The following TBC1D22A variants were observed in gnomAD, a reference collection of about 807,000 sequenced individuals.
TBC1D22A encodes TBC1 domain family member 22A, also known as putative GTPase activator.
TBC1D22A carries 38 observed loss-of-function variants against 60.2 expected under a neutral mutation model. That is an observed-to-expected ratio of 0.63 (90% CI 0.49 to 0.83). TBC1D22A has a LOEUF of 0.83. Ranked by LOEUF, TBC1D22A falls within the 40% of genes least tolerant of loss-of-function variation. TBC1D22A has a pLI of 0.00. For synonymous variants in TBC1D22A, 302 were observed against 281.7 expected (o/e 1.07, Z -0.72); for missense variants, 628 against 701.0 (o/e 0.90, Z 1.18).
At chr22:46,941,581 G>GCGGAATATATATACGGAATATATATACGT (rs1257235613) in intron 8 of TBC1D22A, among the ~76,000 whole-genome samples, 1 of 114,708 alleles carries the variant, frequency 8.7e-6, no homozygotes, top group African/African-American at 3.5e-5. Context: ...TATATATACA[G>GCGGAATATATATACGGAATATATATACGT]GGAATATATA....
At position 47,051,952 on chromosome 22, in the gene TBC1D22A, C is replaced by G. The variant is rs149669682; in HGVS notation, c.1329+14754C>G. Among the ~76,000 whole-genome samples the G allele has an allele frequency of 4.8e-3, 729 of 152,350 alleles. 4 individuals carry two copies. The highest frequency in any genetic ancestry group is 0.017 in the African/African-American group (708 of 41,584). On this transcript the variant is annotated intron_variant, in intron 11 of 12. Transcript: ENST00000337137. ...CAGAAGCAGAGTGCATTGCCACTAG[C>G]ACATCTCACAGTGTTTGCTTTCTCG...
At chr22:47,098,636 T>C (rs1276476025) in intron 11 of TBC1D22A, among the ~76,000 whole-genome samples, 1 of 152,162 alleles carries the variant, frequency 6.6e-6, no homozygotes, top group African/African-American at 2.4e-5. Context: ...CAGGCTGCCC[T>C]GGGGAAGGGC....
chr22:47,119,539 C>G (rs901731265), intron 12 of TBC1D22A, among the ~76,000 whole-genome samples: 1 of 151,890 alleles, frequency 6.6e-6, no homozygotes, highest in Admixed American at 6.6e-5. Flanking sequence ...CACTGTCACC[C>G]GGGCTGGTGT....
intron 11 of TBC1D22A, among the ~76,000 whole-genome samples, chr22:47,102,944 A>G (rs1005968724): frequency 1.3e-5 from 2 of 152,160 alleles, no homozygotes; most frequent in East Asian, 3.8e-4. Flanking sequence ...CGTGCTACTC[A>G]GGGCTGGTTC....
At chr22:47,119,109 A>G (rs1779389440) in intron 12 of TBC1D22A, among the ~76,000 whole-genome samples, 1 of 152,224 alleles carries the variant, frequency 6.6e-6, no homozygotes, top group Admixed American at 6.5e-5. Flanking sequence ...AGACCACACC[A>G]CTGCAGTCCA....
chr22:46,897,906 TA>T (rs10714103), intron 7 of TBC1D22A, among the ~76,000 whole-genome samples: 91,704 of 151,044 alleles, frequency 0.61, 29,555 homozygotes, highest in Middle Eastern at 0.79. Context: ...GTAAATCTGT[TA>T]AAAAAAAACT....
At chr22:47,147,894 G>A (rs2067345525) in intron 12 of TBC1D22A, among the ~76,000 whole-genome samples, 1 of 152,240 alleles carries the variant, frequency 6.6e-6, no homozygotes, top group South Asian at 2.1e-4. Flanking sequence ...AGGATGGGAA[G>A]TGGAGGCCAC....
At chr22:47,104,451 T>C (rs2065544282) in intron 11 of TBC1D22A, among the ~76,000 whole-genome samples, 1 of 146,580 alleles carries the variant, frequency 6.8e-6, no homozygotes, top group Non-Finnish European at 1.5e-5. Context: ...TCCCAGCACT[T>C]TGGGAGGGCA....
intron 11 of TBC1D22A, among the ~76,000 whole-genome samples, chr22:47,065,657 G>GGCACGA (rs1556045879): frequency 1.3e-5 from 2 of 150,500 alleles, no homozygotes; most frequent in African/African-American, 2.5e-5. Context: ...GTTGGATTGA[G>GGCACGA]GGAGACCTGC....
Position 47,009,519 on chromosome 22 carries a change from A to C in TBC1D22A, c.1201+11810A>C. Among the ~76,000 whole-genome samples the C allele has an allele frequency of 6.7e-6, 1 of 148,212 alleles. No homozygotes were observed. Among genetic ancestry groups the C allele is most frequent in the South Asian group, 2.2e-4 (1 of 4,630 alleles). ...CACCATCATCACCACCATCATCTTC[A>C]CCATCACCATCATCATCATTGCCAT... On this transcript the variant is annotated intron_variant, in intron 10 of 12. Coordinates refer to ENST00000337137, the MANE Select transcript of TBC1D22A (RefSeq NM_014346.5). The surrounding 1 kb of genome is among the most constrained non-coding windows in gnomAD (Gnocchi z 5.8).
At chr22:46,899,607 C>T (rs1057164008) in intron 7 of TBC1D22A, among the ~76,000 whole-genome samples, 5 of 152,200 alleles carry the variant, frequency 3.3e-5, no homozygotes, top group Admixed American at 6.5e-5. Context: ...ATCTCCAGTA[C>T]GAGGTCATTG....
intron 4 of TBC1D22A, among the ~76,000 whole-genome samples, chr22:46,827,955 T>C: frequency 6.6e-6 from 1 of 152,214 alleles, no homozygotes; most frequent in South Asian, 2.1e-4. Context: ...CTCCCCACCC[T>C]AACACAATCT....
At chr22:46,967,110 C>T (rs916979281) in intron 8 of TBC1D22A, among the ~76,000 whole-genome samples, 2 of 152,178 alleles carry the variant, frequency 1.3e-5, no homozygotes, top group African/African-American at 2.4e-5. Context: ...AGCTTACAGC[C>T]GTGGAGCAGA....
Position 47,003,381 on chromosome 22 carries a change from C to T in TBC1D22A, c.1201+5672C>T, listed in dbSNP as rs551926415. Among the ~76,000 whole-genome samples the T allele has an allele frequency of 2.4e-4, 37 of 151,846 alleles. No homozygotes were observed. In the East Asian group the frequency reaches 2.5e-3, roughly 10 times the overall value. On this transcript the variant is annotated intron_variant, in intron 10 of 12. Coordinates refer to ENST00000337137, the MANE Select transcript of TBC1D22A (RefSeq NM_014346.5). ...ATGTGTTATTTGAAATTAAAGTATA[C>T]GCACACACACCCTACACACACATGC...
intron 1 of TBC1D22A, chr22:46,789,465 T>C (rs1185728427): frequency 1.9e-5 from 7 of 375,886 alleles, no homozygotes; most frequent in Non-Finnish European, 3.5e-5. Context: ...GTTGAAGTTT[T>C]GCTTTTGTGA....
intron 9 of TBC1D22A, among the ~76,000 whole-genome samples, chr22:46,981,157 C>T (rs2074497573): frequency 6.6e-6 from 1 of 152,192 alleles, no homozygotes; most frequent in African/African-American, 2.4e-5. Context: ...AAGAGTATCA[C>T]TGCCAGTGGA....
intron 10 of TBC1D22A, among the ~76,000 whole-genome samples, chr22:47,026,492 C>T (rs1324931112): frequency 6.6e-6 from 1 of 152,146 alleles, no homozygotes; most frequent in African/African-American, 2.4e-5. Flanking sequence ...ACAACATGAT[C>T]ATCTTTTTTG....
intron 11 of TBC1D22A, among the ~76,000 whole-genome samples, chr22:47,083,566 C>T (rs1447644118): frequency 6.6e-6 from 1 of 152,192 alleles, no homozygotes; most frequent in Non-Finnish European, 1.5e-5. Context: ...CAGAGGGCGC[C>T]GTCCTCAGTG....
intron 12 of TBC1D22A, among the ~76,000 whole-genome samples, chr22:47,171,015 C>T (rs917884990): frequency 6.6e-6 from 1 of 152,184 alleles, no homozygotes; most frequent in Non-Finnish European, 1.5e-5. Flanking sequence ...ACGGCAGCCT[C>T]CGGCACAGCC....
Sources: gnomAD v4.1 joint callset for allele counts (sites outside exome capture counted in the v4.1 genomes callset) on GRCh38, gnomAD v4.1.1 for gene constraint, Gnocchi (gnomAD v3.1) non-coding constraint, MANE v1.5 for transcripts, NCBI Gene and HGNC (gene_info 2026-07-23, HGNC 2026-07-21) for gene names.